RALGAPA1: variants seen among roughly 807,000 people sequenced by gnomAD.
The protein encoded by RALGAPA1 is Ral GTPase activating protein catalytic subunit alpha 1.
Under a neutral mutation model 269.6 loss-of-function variants are expected in RALGAPA1, and 52 were observed. The ratio of observed to expected loss-of-function variants is 0.19; its 90% confidence interval spans 0.15 to 0.24. The LOEUF is 0.24. Ranked by LOEUF, RALGAPA1 falls within the 10% of genes least tolerant of loss-of-function variation. The probability of loss-of-function intolerance (pLI) is 1.00; values close to 1 mark genes in which losing one functional copy is unlikely to be tolerated. For missense variants in RALGAPA1, 1,917 were observed against 3,013.9 expected (o/e 0.64, Z 8.52); for synonymous variants, 817 against 1,008.3 (o/e 0.81, Z 3.60).
At chr14:35,779,098 A>T (rs2075259294) in intron 1 of RALGAPA1, among the ~76,000 whole-genome samples, 1 of 152,226 alleles carries the variant, frequency 6.6e-6, no homozygotes, top group Admixed American at 6.5e-5. Context: ...ATCTGCCTAT[A>T]AGAATAATAG....
intron 17 of RALGAPA1, among the ~76,000 whole-genome samples, chr14:35,697,351 TTTTG>T (rs1555407725): frequency 2.0e-5 from 3 of 151,658 alleles, no homozygotes; most frequent in Non-Finnish European, 2.9e-5. Context: ...TTTTGTTTTG[TTTTG>T]TTTTTTTTTG....
chr14:35,790,808 T>G (rs1033951675), intron 1 of RALGAPA1, among the ~76,000 whole-genome samples: 1 of 152,184 alleles, frequency 6.6e-6, no homozygotes, highest in African/African-American at 2.4e-5. Flanking sequence ...TCATGTACAT[T>G]TTCATATTAA....
In RALGAPA1 at chr14:35,570,735, A is replaced by G; in HGVS notation, c.7378T>C (p.Phe2460Leu). ...QIMKKPEVPF[F>L]GPLFDGAIVN... ...ATAGCACCATCAAAAAGGGGACCAA[A>G]GAAGGGAACCTGATTGAGAAATCAG... The change falls in exon 39 of 42, where the codon TTT (phenylalanine) becomes CTT (leucine). Residue 2460 changes from phenylalanine (F) to leucine (L), a missense_variant. Physicochemically the swap from Phe to Leu is conservative, Grantham distance 22. Coordinates refer to ENST00000680220, the MANE Select transcript of RALGAPA1 (RefSeq NM_001346249.2). 6.3e-7 allele frequency: 1 copy of G among 1,593,524 alleles called. No individual in the cohort carries two copies. The highest frequency in any genetic ancestry group is 8.5e-7 in the Non-Finnish European group (1 of 1,171,796).
intron 14 of RALGAPA1, among the ~76,000 whole-genome samples, chr14:35,724,574 G>C (rs552791902): frequency 6.6e-6 from 1 of 152,084 alleles, no homozygotes; most frequent in African/African-American, 2.4e-5. Context: ...AAAAAAGCAT[G>C]ATAAGAATCA....
intron 1 of RALGAPA1, among the ~76,000 whole-genome samples, chr14:35,793,597 C>CAT (rs763286970): frequency 7.3e-5 from 11 of 150,250 alleles, no homozygotes; most frequent in African/African-American, 2.7e-4. Context: ...CACACACAAA[C>CAT]ACACACACAC....
At chr14:35,760,670 T>A (rs569131990) in intron 6 of RALGAPA1, among the ~76,000 whole-genome samples, 159 bp downstream of exon 6, 4 of 152,342 alleles carry the variant, frequency 2.6e-5, no homozygotes, top group Admixed American at 2.0e-4. Flanking sequence ...GCTTTCTTGA[T>A]CTGCTGACTT....
intron 13 of RALGAPA1, among the ~76,000 whole-genome samples, chr14:35,728,012 C>A (rs2070125014): frequency 6.6e-6 from 1 of 152,198 alleles, no homozygotes; most frequent in Admixed American, 6.5e-5. Context: ...CAGGCATTCA[C>A]ATATTCAGTC....
chr14:35,653,965 A>G (rs1254926973), intron 30 of RALGAPA1, among the ~76,000 whole-genome samples: 1 of 152,216 alleles, frequency 6.6e-6, no homozygotes, highest in Non-Finnish European at 1.5e-5. Flanking sequence ...ATAAGTTTAC[A>G]CATAGCATTT....
intron 35 of RALGAPA1, among the ~76,000 whole-genome samples, chr14:35,610,208 G>A (rs1422194273): frequency 6.6e-6 from 1 of 150,860 alleles, no homozygotes. Flanking sequence ...ATATTATAAG[G>A]AAATGCTATA....
At chr14:35,611,853 G>C (rs1268621511) in intron 35 of RALGAPA1, among the ~76,000 whole-genome samples, 2 of 152,136 alleles carry the variant, frequency 1.3e-5, no homozygotes, top group African/African-American at 2.4e-5. Flanking sequence ...AAAAAGAATA[G>C]AATTGGAGAA....
intron 27 of RALGAPA1, among the ~76,000 whole-genome samples, chr14:35,660,439 G>A (rs1353527401): frequency 6.6e-6 from 1 of 151,894 alleles, no homozygotes; most frequent in African/African-American, 2.4e-5. Context: ...TTAGGAATAC[G>A]TATAACAAAA....
Position 35,649,526 on chromosome 14 carries a change from A to G in RALGAPA1, c.5676+2279T>C, listed in dbSNP as rs560117608. Among the ~76,000 whole-genome samples the G allele has an allele frequency of 2.5e-4, 38 of 152,284 alleles. No homozygotes were observed. The South Asian group carries it at 7.5e-3, about 30-fold the overall frequency. ...CCCAACTCTTAACTGTCCACTTCACATTCTAAAATATGGAACTGCCTAGTT... is the reference window on the plus strand; with the variant it reads ...CCCAACTCTTAACTGTCCACTTCACGTTCTAAAATATGGAACTGCCTAGTT... On this transcript the variant is annotated intron_variant, in intron 31 of 41. Transcript: ENST00000680220.
intron 35 of RALGAPA1, among the ~76,000 whole-genome samples, chr14:35,623,073 A>G (rs2060741277): frequency 7.3e-6 from 1 of 136,898 alleles, no homozygotes; most frequent in Non-Finnish European, 1.5e-5. Flanking sequence ...ACAGAGGAAG[A>G]CTCTGTCTCA....
At chr14:35,785,137 A>T (rs941036376) in intron 1 of RALGAPA1, among the ~76,000 whole-genome samples, 14 of 152,248 alleles carry the variant, frequency 9.2e-5, no homozygotes, top group African/African-American at 3.4e-4. Context: ...CAAAGACATT[A>T]TTTTGGATAC....
intron 1 of RALGAPA1, among the ~76,000 whole-genome samples, chr14:35,787,599 A>G (rs2075881577): frequency 6.6e-6 from 1 of 152,038 alleles, no homozygotes; most frequent in Non-Finnish European, 1.5e-5. Flanking sequence ...TCTAACACAT[A>G]GCTTAAATAA....
intron 17 of RALGAPA1, among the ~76,000 whole-genome samples, chr14:35,698,431 T>C (rs1460710220): frequency 6.6e-6 from 1 of 152,134 alleles, no homozygotes; most frequent in Non-Finnish European, 1.5e-5. Flanking sequence ...GATGAGAAAT[T>C]CTGTAAATCC....
intron 10 of RALGAPA1, among the ~76,000 whole-genome samples, chr14:35,743,220 C>T (rs1456649249): frequency 6.6e-6 from 1 of 151,558 alleles, no homozygotes; most frequent in East Asian, 1.9e-4. Flanking sequence ...TCTTAAAGAT[C>T]TGCTGTACAT....
At chr14:35,541,706 G>A (rs754874813) in intron 41 of RALGAPA1, 1 of 456,616 alleles carries the variant, frequency 2.2e-6, no homozygotes, top group Non-Finnish European at 4.4e-6. Flanking sequence ...TATCATTCCC[G>A]GCCATCACGA....
chr14:35,763,771 G>GGT lies in RALGAPA1; in HGVS notation c.326-1020_326-1019dup, dbSNP rs1207744854. On this transcript the variant is annotated intron_variant, in intron 4 of 41. Transcript: ENST00000680220. ...CCTGTACACACCTGAGTTTCCCCGG[G>GGT]GTGTGTATATATATATATATATAGA... is the stretch of plus-strand genomic sequence containing the variant. 5.1e-4 allele frequency among the ~76,000 whole-genome samples: 74 copies of GGT among 145,456 alleles called. 1 individual carries two copies. The highest frequency in any genetic ancestry group is 1.6e-3 in the South Asian group (7 of 4,500).
Sources: gnomAD v4.1 joint callset for allele counts (sites outside exome capture counted in the v4.1 genomes callset) on GRCh38, gnomAD v4.1.1 for gene constraint, MANE v1.5 for transcripts, NCBI Gene and HGNC (gene_info 2026-07-23, HGNC 2026-07-21) for gene names.